GSPT1: variants seen among roughly 807,000 people sequenced by gnomAD.
The protein encoded by GSPT1 is eukaryotic peptide chain release factor GTP-binding subunit ERF3A.
In GSPT1, 20 loss-of-function variants were observed where a neutral mutation model predicts 72.5. The ratio of observed to expected loss-of-function variants is 0.28; its 90% confidence interval spans 0.19 to 0.40. The LOEUF (loss-of-function observed/expected upper bound fraction) is 0.40, where lower values mean the gene tolerates loss of function less well. Among genes scored for constraint, GSPT1 ranks in the 10% least tolerant of loss-of-function variants. GSPT1 has a pLI of 1.00. For synonymous variants in GSPT1, 334 were observed against 293.5 expected (o/e 1.14, Z -1.41); for missense variants, 580 against 811.9 (o/e 0.71, Z 3.47).
At chr16:11,888,375 T>A (rs2141288457) in intron 6 of GSPT1, among the ~76,000 whole-genome samples, 1 of 151,428 alleles carries the variant, frequency 6.6e-6, no homozygotes, top group African/African-American at 2.4e-5. Flanking sequence ...GGCAGGACAA[T>A]CGCTTGAAGC....
At chr16:11,890,871 C>A in intron 6 of GSPT1, 191 bp downstream of exon 6, 1 of 397,970 alleles carries the variant, frequency 2.5e-6, no homozygotes, top group South Asian at 4.5e-5. Flanking sequence ...TGGATTGTTT[C>A]CAAATTTCTC....
At position 11,907,560 on chromosome 16, in the gene GSPT1, C is replaced by T. The variant is rs59978684; in HGVS notation, c.352+7809G>A. On this transcript the variant is annotated intron_variant, in intron 1 of 14. Coordinates refer to ENST00000434724, the MANE Select transcript of GSPT1 (RefSeq NM_002094.4). Reference sequence around the variant, plus strand: ...ATTAGGCAAATGCCAGGGCCACTCTCAGAAAACTACACGCTAGTTGTAGTA... The same window carrying T: ...ATTAGGCAAATGCCAGGGCCACTCTTAGAAAACTACACGCTAGTTGTAGTA... Among the ~76,000 whole-genome samples the T allele has an allele frequency of 3.5e-4, 53 of 152,302 alleles. 1 individual carries two copies. In the East Asian group the frequency reaches 9.3e-3, roughly 27 times the overall value.
At chr16:11,913,198 T>C (rs1476157171) in intron 1 of GSPT1, among the ~76,000 whole-genome samples, 3 of 152,264 alleles carry the variant, frequency 2.0e-5, no homozygotes, top group Non-Finnish European at 2.9e-5. Context: ...ATGGACTTAA[T>C]AGTCTGGAAC....
rs1025032743 is a variant in GSPT1, at chr16:11,877,288, C to T, written c.1602+119G>A. On this transcript the variant is annotated intron_variant, in intron 12 of 14. Transcript: ENST00000434724. The surrounding 1 kb of genome is among the most constrained non-coding windows in gnomAD (Gnocchi z 4.0). ...AGTGGCTTATAATATTTCCATTCCCCTTCTCTACACTAAGATGGGTTAACT... is the reference window on the plus strand; with the variant it reads ...AGTGGCTTATAATATTTCCATTCCCTTTCTCTACACTAAGATGGGTTAACT... 3.1e-6 allele frequency: 2 copies of T among 653,370 alleles called. No individual in the cohort carries two copies. Among genetic ancestry groups the T allele is most frequent in the East Asian group, 5.9e-5 (2 of 33,810 alleles). The allele number at this position is 653,370 out of a possible 1,614,324, so 40.5% of individuals were successfully genotyped here.
intron 1 of GSPT1, among the ~76,000 whole-genome samples, chr16:11,900,625 G>C (rs1382155518): frequency 6.6e-6 from 1 of 152,100 alleles, no homozygotes; most frequent in Non-Finnish European, 1.5e-5. Flanking sequence ...CCCTTCCTCA[G>C]ATAGTCCCTG....
chr16:11,913,458 A>G (rs1382290868), intron 1 of GSPT1, among the ~76,000 whole-genome samples: 1 of 152,224 alleles, frequency 6.6e-6, no homozygotes, highest in Non-Finnish European at 1.5e-5. Context: ...TAGCACTGTC[A>G]AAGAGAAAAA....
At chr16:11,890,253 C>T (rs558029841) in intron 6 of GSPT1, among the ~76,000 whole-genome samples, 1 of 152,240 alleles carries the variant, frequency 6.6e-6, no homozygotes, top group African/African-American at 2.4e-5. Flanking sequence ...AGCCACTGTG[C>T]CAGGACTAAA....
intron 8 of GSPT1, 30 bp from the exon 9 acceptor site, chr16:11,886,641 A>G: frequency 6.3e-7 from 1 of 1,581,228 alleles, no homozygotes; most frequent in Non-Finnish European, 8.7e-7. Flanking sequence ...AAAATAACTC[A>G]ATTATAATGT....
At chr16:11,878,859 G>GT (rs1274506206) in intron 11 of GSPT1, among the ~76,000 whole-genome samples, 2 of 151,932 alleles carry the variant, frequency 1.3e-5, no homozygotes, top group African/African-American at 4.8e-5. Context: ...GAGATCAGGA[G>GT]TTTGAGACCA....
At chr16:11,888,231 C>T (rs1421663418) in intron 6 of GSPT1, among the ~76,000 whole-genome samples, 2 of 152,170 alleles carry the variant, frequency 1.3e-5, no homozygotes, top group African/African-American at 2.4e-5. Flanking sequence ...TTTGGGAGGC[C>T]GAGGCTGGCA....
At chr16:11,904,375 T>C (rs2054459595) in intron 1 of GSPT1, among the ~76,000 whole-genome samples, 1 of 152,038 alleles carries the variant, frequency 6.6e-6, no homozygotes, top group South Asian at 2.1e-4. Context: ...GGTAATTTTT[T>C]GTATTTTTAG....
At chr16:11,901,670 T>C (rs1485359699) in intron 1 of GSPT1, among the ~76,000 whole-genome samples, 2 of 151,514 alleles carry the variant, frequency 1.3e-5, no homozygotes, top group Non-Finnish European at 1.5e-5. Flanking sequence ...CTCATGCTTG[T>C]AGTCCCAGCT....
intron 11 of GSPT1, among the ~76,000 whole-genome samples, chr16:11,879,953 C>T (rs1398080653): frequency 6.6e-6 from 1 of 152,094 alleles, no homozygotes; most frequent in Non-Finnish European, 1.5e-5. Flanking sequence ...TATTGTACAA[C>T]CAATATTCAG....
chr16:11,915,995 GCCAACC>G (rs2054633639), upstream of GSPT1: 1 of 691,950 alleles, frequency 1.4e-6, no homozygotes, highest in Non-Finnish European at 2.7e-6. Flanking sequence ...CGGCCTCACA[GCCAACC>G]CCACCCCCGG....
At chr16:11,905,278 C>G (rs373468978) in intron 1 of GSPT1, among the ~76,000 whole-genome samples, 110 of 152,248 alleles carry the variant, frequency 7.2e-4, no homozygotes, top group African/African-American at 2.6e-3. Context: ...AGTCACCAGC[C>G]ACATGTGGTT....
At chr16:11,899,774 G>C (rs1283922730) in intron 1 of GSPT1, among the ~76,000 whole-genome samples, 1 of 152,158 alleles carries the variant, frequency 6.6e-6, no homozygotes, top group Non-Finnish European at 1.5e-5. Context: ...GCCACCCTAA[G>C]AAGGAGGTGA....
At chr16:11,894,121 A>C (rs1406971149) in intron 5 of GSPT1, among the ~76,000 whole-genome samples, 1 of 125,918 alleles carries the variant, frequency 7.9e-6, no homozygotes, top group African/African-American at 3.0e-5. Context: ...ATGCCACTGC[A>C]CTCCAGCCTT....
In GSPT1 at chr16:11,915,559, GGCC is replaced by G. The variant is rs1217262046; in HGVS notation, c.159_161del (p.Ala54del). ...CGCTGAGGTTCTCCCGCTGGGCCTC[GGCC>G]GCCGCCGCCAGGGAGCCGCCGCCGC... is the stretch of plus-strand genomic sequence containing the variant. On this transcript the variant is annotated inframe_deletion, in exon 1 of 15. Coordinates refer to ENST00000434724, the MANE Select transcript of GSPT1 (RefSeq NM_002094.4). 8 of 1,492,740 alleles carry G rather than the reference GGCC, an allele frequency of 5.4e-6. No homozygotes were observed. Among genetic ancestry groups the G allele is most frequent in the Admixed American group, 2.3e-5 (1 of 43,528 alleles). 92.5% of individuals were successfully genotyped at this position (1,492,740 alleles called of 1,614,324 possible). A position where few individuals can be genotyped will look rare whatever the true frequency, so the allele number is the denominator to read the frequency against.
intron 11 of GSPT1, among the ~76,000 whole-genome samples, chr16:11,879,285 C>A (rs1285628911): frequency 1.3e-5 from 2 of 151,396 alleles, no homozygotes; most frequent in African/African-American, 2.4e-5. Context: ...ATCCCAGCTA[C>A]TCGGGAGGCT....
Sources: allele counts gnomAD v4.1 joint callset (sites outside exome capture counted in the v4.1 genomes callset), GRCh38; gene constraint gnomAD v4.1.1; non-coding constraint Gnocchi (gnomAD v3.1); transcripts MANE v1.5; gene names NCBI Gene and HGNC (gene_info 2026-07-23, HGNC 2026-07-21).